The following SLC7A7 variants were observed in gnomAD, a reference collection of about 807,000 sequenced individuals.
SLC7A7 encodes Y+L amino acid transporter 1.
Under a neutral mutation model 47.9 loss-of-function variants are expected in SLC7A7, and 39 were observed. The observed-to-expected ratio is 0.81, with a 90% CI of 0.63 to 1.06. SLC7A7 has a LOEUF of 1.06. SLC7A7 is among the 50% of genes least tolerant of loss of function. The pLI is 0.00. For synonymous variants in SLC7A7, 234 were observed against 242.8 expected (o/e 0.96, Z 0.34); for missense variants, 588 against 632.0 (o/e 0.93, Z 0.75).
chr14:22,780,890 A>G (rs1355868063), intron 2 of SLC7A7, among the ~76,000 whole-genome samples: 1 of 152,152 alleles, frequency 6.6e-6, no homozygotes, highest in African/African-American at 2.4e-5. Context: ...CAAGTCCATT[A>G]TCCCTCCCCC....
At position 22,788,662 on chromosome 14, in the gene SLC7A7, C is replaced by T. The variant is rs147111415; in HGVS notation, c.500-8611G>A. On this transcript the variant is annotated intron_variant, in intron 2 of 9. Transcript: ENST00000674313. ...GAGGTTGCAGTGAGCCAAGATCCTACCACTGCACTCCAGCCCGGGCGACAG... is the reference window on the plus strand; with the variant it reads ...GAGGTTGCAGTGAGCCAAGATCCTATCACTGCACTCCAGCCCGGGCGACAG... Among the ~76,000 whole-genome samples the T allele has an allele frequency of 4.2e-4, 63 of 150,730 alleles. No individual in the cohort carries two copies. In the East Asian group the frequency reaches 0.011, roughly 27 times the overall value.
intron 2 of SLC7A7, among the ~76,000 whole-genome samples, chr14:22,798,781 G>GAGTT (rs1487277301): frequency 2.0e-5 from 3 of 152,082 alleles, no homozygotes; most frequent in Non-Finnish European, 4.4e-5. Flanking sequence ...TTGACCCTCT[G>GAGTT]AGTTGCCAAT....
At position 22,784,965 on chromosome 14, in the gene SLC7A7, C is replaced by T. The variant is rs117429120; in HGVS notation, c.500-4914G>A. 5.8e-3 allele frequency among the ~76,000 whole-genome samples: 879 copies of T among 152,238 alleles called. 6 individuals carry two copies. Among genetic ancestry groups the T allele is most frequent in the Non-Finnish European group, 0.01 (704 of 67,994 alleles). On this transcript the variant is annotated intron_variant, in intron 2 of 9. Transcript: ENST00000674313. ...GATTACAGGCGTGAACCACCATGCC[C>T]GGCGTCATTCCATTTTAAAAGTGAT... is the stretch of plus-strand genomic sequence containing the variant.
rs533628387 is a variant in SLC7A7 at position 22,805,264 on chromosome 14, G to A, written c.499+7636C>T. Among the ~76,000 whole-genome samples the A allele has an allele frequency of 7.2e-5, 11 of 152,280 alleles. No homozygotes were observed. In the East Asian group the frequency reaches 2.1e-3, roughly 29 times the overall value. ...TCCTGTAATCCTAGCTACTCAGAAG[G>A]CTGAGGCAGAGAACCACTCAAAACA... On this transcript the variant is annotated intron_variant, in intron 2 of 9. Coordinates refer to ENST00000674313, the MANE Select transcript of SLC7A7 (RefSeq NM_003982.4).
At chr14:22,777,811 T>C (rs1037874186) in intron 4 of SLC7A7, among the ~76,000 whole-genome samples, 10 of 152,218 alleles carry the variant, frequency 6.6e-5, no homozygotes, top group South Asian at 2.1e-4. Flanking sequence ...CAGTGGCTCA[T>C]GCCTGTAATC....
At chr14:22,805,152 G>A (rs1214943506) in intron 2 of SLC7A7, among the ~76,000 whole-genome samples, 5 of 149,714 alleles carry the variant, frequency 3.3e-5, no homozygotes, top group African/African-American at 9.7e-5. Context: ...TGGACCACAA[G>A]GTCAGGAGTT....
rs115603227 is a variant in SLC7A7 at position 22,787,459 on chromosome 14, A to G, written c.500-7408T>C. ...TCAAAATAAATAAATAAATAAATAAATGTTGACATGGGCTGGCAGCAGTGG... is the reference window on the plus strand; with the variant it reads ...TCAAAATAAATAAATAAATAAATAAGTGTTGACATGGGCTGGCAGCAGTGG... On this transcript the variant is annotated intron_variant, in intron 2 of 9. Coordinates refer to ENST00000674313, the MANE Select transcript of SLC7A7 (RefSeq NM_003982.4). Among the ~76,000 whole-genome samples, 1,295 of 151,622 alleles carry G rather than the reference A, an allele frequency of 8.5e-3. 14 individuals are homozygous for G. The highest frequency in any genetic ancestry group is 0.027 in the African/African-American group (1,135 of 41,306).
chr14:22,812,795 T>C (rs2039334291), intron 2 of SLC7A7, 105 bp downstream of exon 2: 2 of 687,678 alleles, frequency 2.9e-6, no homozygotes, highest in Non-Finnish European at 2.1e-6. Flanking sequence ...ATATATATGT[T>C]GTCAGAGACA....
intron 2 of SLC7A7, among the ~76,000 whole-genome samples, chr14:22,805,519 A>G (rs1360371171): frequency 1.3e-5 from 2 of 152,226 alleles, no homozygotes; most frequent in Non-Finnish European, 2.9e-5. Context: ...AGGAACAGAA[A>G]ACCAAACACC....
chr14:22,795,061 T>C (rs8008860), intron 2 of SLC7A7, among the ~76,000 whole-genome samples: 12,992 of 144,604 alleles, frequency 0.09, 714 homozygotes, highest in African/African-American at 0.15. Flanking sequence ...GTGATGAGTA[T>C]TGTTTTCTTT....
intron 2 of SLC7A7, among the ~76,000 whole-genome samples, chr14:22,785,726 C>CA (rs748719657): frequency 0.046 from 2,405 of 52,774 alleles, 45 homozygotes; most frequent in Middle Eastern, 0.14. Context: ...AACTCCATCT[C>CA]AAAAAAAAAA....
At chr14:22,780,218 C>T (rs2038694769) in intron 2 of SLC7A7, 167 bp from the exon 3 acceptor site, 7 of 741,676 alleles carry the variant, frequency 9.4e-6, no homozygotes. Flanking sequence ...AGAATGTCCT[C>T]ACCATTATCA....
chr14:22,791,980 G>A (rs1171972124), intron 2 of SLC7A7, among the ~76,000 whole-genome samples: 6 of 151,864 alleles, frequency 4.0e-5, no homozygotes, highest in Non-Finnish European at 8.8e-5. Context: ...GACTACGGGC[G>A]TCCGCCACCA....
intron 2 of SLC7A7, among the ~76,000 whole-genome samples, chr14:22,800,709 C>T (rs377294610): frequency 1.3e-5 from 2 of 152,010 alleles, no homozygotes; most frequent in South Asian, 2.1e-4. Flanking sequence ...GAGGCCGAGG[C>T]GGGTAGATCA....
rs546165586 is a variant in SLC7A7 at position 22,791,191 on chromosome 14, T to G, written c.500-11140A>C. 5.3e-4 allele frequency among the ~76,000 whole-genome samples: 80 copies of G among 152,246 alleles called. 1 individual carries two copies. The highest frequency in any genetic ancestry group is 1.8e-3 in the African/African-American group (76 of 41,548). On this transcript the variant is annotated intron_variant, in intron 2 of 9. Transcript: ENST00000674313. The stretch of plus-strand genomic sequence containing the variant: ...GATTTATACTTTTATCTAGGCATTT[T>G]TCTCCTTGCCTCTAAAATTTCCATT...
At chr14:22,775,722 A>G in intron 6 of SLC7A7, 111 bp downstream of exon 6, 1 of 939,790 alleles carries the variant, frequency 1.1e-6, no homozygotes, top group Non-Finnish European at 1.8e-6. Context: ...AAGAAGAAAG[A>G]GGTTGTGGTA....
chr14:22,788,231 C>A (rs2139412830), intron 2 of SLC7A7, among the ~76,000 whole-genome samples: 1 of 152,268 alleles, frequency 6.6e-6, no homozygotes, highest in Non-Finnish European at 1.5e-5. Context: ...ACAAGAATAT[C>A]ATGAGAATTT....
intron 2 of SLC7A7, among the ~76,000 whole-genome samples, chr14:22,795,406 C>A (rs940972196): frequency 2.0e-5 from 2 of 98,648 alleles, no homozygotes; most frequent in Non-Finnish European, 2.0e-5. Context: ...TTCTTTCTTT[C>A]TTTCTTTCTT....
At chr14:22,809,205 A>C (rs2039260478) in intron 2 of SLC7A7, among the ~76,000 whole-genome samples, 2 of 152,180 alleles carry the variant, frequency 1.3e-5, no homozygotes, top group South Asian at 4.1e-4. Flanking sequence ...TTTGAGACAG[A>C]GTCTCGCTCT....
Sources: allele counts gnomAD v4.1 joint callset (sites outside exome capture counted in the v4.1 genomes callset), GRCh38; gene constraint gnomAD v4.1.1; transcripts MANE v1.5; gene names NCBI Gene and HGNC (gene_info 2026-07-23, HGNC 2026-07-21).